The following PPP1R7 variants were observed in gnomAD, a reference collection of about 807,000 sequenced individuals.
PPP1R7 encodes the protein protein phosphatase 1 regulatory subunit 22.
PPP1R7 carries 18 observed loss-of-function variants against 45.2 expected under a neutral mutation model. The ratio of observed to expected loss-of-function variants is 0.40; its 90% CI spans 0.28 to 0.59. The LOEUF is 0.59. Among genes scored for constraint, PPP1R7 ranks in the 20% least tolerant of loss-of-function variants. The pLI is 0.46. For synonymous variants in PPP1R7, 181 were observed against 183.4 expected, an observed-to-expected ratio of 0.99 and a Z score of 0.11; for missense variants, 314 against 455.8, an observed-to-expected ratio of 0.69 and a Z score of 2.83.
chr2:241,164,219 C>T (rs1183819616), intron 7 of PPP1R7, among the ~76,000 whole-genome samples: 1 of 152,088 alleles, frequency 6.6e-6, no homozygotes, highest in Non-Finnish European at 1.5e-5. Context: ...GCTTTTTCCA[C>T]CCACCCACCT....
At chr2:241,164,733 T>TA (rs910282799) in intron 7 of PPP1R7, among the ~76,000 whole-genome samples, 1 of 152,030 alleles carries the variant, frequency 6.6e-6, no homozygotes, top group Non-Finnish European at 1.5e-5. Context: ...AGCCCATCTC[T>TA]AAAAAAATTA....
chr2:241,170,002 G>A (rs2067786601), intron 9 of PPP1R7, 135 bp downstream of exon 9: 2 of 704,616 alleles, frequency 2.8e-6, no homozygotes, highest in Non-Finnish European at 4.8e-6. Flanking sequence ...GAGATTTGGG[G>A]TGGGCGCTCT....
chr2:241,157,091 TCTCC>T (rs2067476810), intron 2 of PPP1R7, among the ~76,000 whole-genome samples: 1 of 152,162 alleles, frequency 6.6e-6, no homozygotes, highest in Non-Finnish European at 1.5e-5. Context: ...AGAGCAGCTC[TCTCC>T]CTCCTCCGCA....
chr2:241,180,158 C>T (rs936268988), intron 9 of PPP1R7, among the ~76,000 whole-genome samples: 4 of 152,112 alleles, frequency 2.6e-5, no homozygotes, highest in African/African-American at 9.7e-5. Context: ...GAGTCAACTG[C>T]CAGTGGTGTT....
At chr2:241,151,845 C>A (rs1249894219) in intron 1 of PPP1R7, among the ~76,000 whole-genome samples, 2 of 152,212 alleles carry the variant, frequency 1.3e-5, no homozygotes, top group Non-Finnish European at 2.9e-5. Context: ...TTAACTCAGA[C>A]CTTCATCATC....
upstream of PPP1R7, chr2:241,150,033 G>C (rs772233080): frequency 2.7e-4 from 377 of 1,383,674 alleles, no homozygotes; most frequent in Non-Finnish European, 3.4e-4. Context: ...GACGCAGCCA[G>C]CGAGGCTCGC....
At chr2:241,155,386 T>G (rs892797186) in intron 2 of PPP1R7, 1 of 152,216 alleles carries the variant, frequency 6.6e-6, no homozygotes, top group Admixed American at 6.5e-5. Flanking sequence ...CCAAGTTTTT[T>G]CTTCGAGATG....
At position 241,182,775 on chromosome 2, in the gene PPP1R7, C is replaced by T. The variant is rs143085733; in HGVS notation, c.1035C>T (p.Leu345=). 192 of 1,613,998 alleles carry T rather than the reference C, an allele frequency of 1.2e-4. No individual in the cohort carries two copies. The African/African-American group carries it at 1.3e-3, about 11-fold the overall frequency. Residue 345 remains leucine, a synonymous_variant, in exon 10 of 10, where the codon CTC becomes CTT. Transcript: ENST00000234038. ...KDPQYRRKVM[L]ALPSVRQIDA... Reference sequence around the variant, plus strand: ...CCCAGTACCGGCGGAAGGTCATGCTCGCCCTCCCCTCCGTGCGGCAGATCG... The same window carrying T: ...CCCAGTACCGGCGGAAGGTCATGCTTGCCCTCCCCTCCGTGCGGCAGATCG...
At chr2:241,181,724 A>G (rs997877359) in intron 9 of PPP1R7, among the ~76,000 whole-genome samples, 2 of 152,158 alleles carry the variant, frequency 1.3e-5, no homozygotes, top group African/African-American at 4.8e-5. Context: ...CTGTAAAAGG[A>G]GTCGAAGTCT....
intron 5 of PPP1R7, among the ~76,000 whole-genome samples, 191 bp from the exon 6 acceptor site, chr2:241,160,141 T>C (rs2067551559): frequency 6.6e-6 from 1 of 152,172 alleles, no homozygotes; most frequent in Admixed American, 6.5e-5. Context: ...CTGGGCAGCC[T>C]CCAAATCCCT....
rs2067909690 is a variant in PPP1R7, at chr2:241,176,467, T to C, written c.907-6180T>C. 2.6e-5 allele frequency among the ~76,000 whole-genome samples: 4 copies of C among 151,888 alleles called. No individual in the cohort carries two copies. In the South Asian group the frequency reaches 6.3e-4, roughly 24 times the overall value. On this transcript the variant is annotated intron_variant, in intron 9 of 9. Transcript: ENST00000234038. ...ATTAATTTTTTTTTCTTTCTTTTTT[T>C]TTTTTTTGAGATGGAGCTTTGCTCC... is the stretch of plus-strand genomic sequence containing the variant.
intron 9 of PPP1R7, among the ~76,000 whole-genome samples, chr2:241,175,961 A>G (rs4675990): frequency 0.12 from 18,340 of 152,166 alleles, 2,635 homozygotes; most frequent in East Asian, 0.47. Context: ...CATTTTTAGC[A>G]GAGACGGGGT....
chr2:241,176,165 G>C (rs942775316), intron 9 of PPP1R7, among the ~76,000 whole-genome samples: 1 of 152,058 alleles, frequency 6.6e-6, no homozygotes, highest in African/African-American at 2.4e-5. Flanking sequence ...CTCCTGCCTG[G>C]GCCTCCCAAA....
chr2:241,151,970 G>A (rs1420805778), intron 1 of PPP1R7, among the ~76,000 whole-genome samples: 3 of 152,140 alleles, frequency 2.0e-5, no homozygotes, highest in African/African-American at 7.2e-5. Context: ...GCTGCCCTCA[G>A]GCTTCACTTT....
chr2:241,154,140 A>T (rs973179482), intron 2 of PPP1R7, among the ~76,000 whole-genome samples: 1 of 136,920 alleles, frequency 7.3e-6, no homozygotes, highest in African/African-American at 2.8e-5. Context: ...AGAACACACC[A>T]CTGCACTCCA....
intron 9 of PPP1R7, among the ~76,000 whole-genome samples, chr2:241,172,504 G>A (rs567379278): frequency 6.6e-6 from 1 of 152,188 alleles, no homozygotes; most frequent in African/African-American, 2.4e-5. Flanking sequence ...ACTTAGCTGG[G>A]CATGGTGGCA....
chr2:241,153,464 G>A lies in PPP1R7; in HGVS notation c.53-12G>A, dbSNP rs769505992. ...AGTGGATGTGAATTCTCATTGACAT[G>A]TGTGGGTTCAGTTGACAGGCGGGTC... is the stretch of plus-strand genomic sequence containing the variant. On this transcript the variant is annotated splice_polypyrimidine_tract_variant and intron_variant, in intron 1 of 9. Transcript: ENST00000234038. 4 of 1,613,798 alleles carry A rather than the reference G, an allele frequency of 2.5e-6. No individual in the cohort carries two copies. In the South Asian group the frequency reaches 4.4e-5, roughly 18 times the overall value.
At chr2:241,150,383 C>T (rs530340658), upstream of PPP1R7, 3 of 1,192,802 alleles carry the variant, frequency 2.5e-6, no homozygotes, top group Middle Eastern at 3.6e-4. Context: ...AGGCGCGGCG[C>T]GGCTGAAGTC....
intron 9 of PPP1R7, among the ~76,000 whole-genome samples, chr2:241,173,793 T>A (rs1476978341): frequency 6.6e-6 from 1 of 152,244 alleles, no homozygotes; most frequent in African/African-American, 2.4e-5. Flanking sequence ...ATAATTTCTG[T>A]TGTTAAATCT....
Sources: gnomAD v4.1 joint callset for allele counts (sites outside exome capture counted in the v4.1 genomes callset) on GRCh38, gnomAD v4.1.1 for gene constraint, MANE v1.5 for transcripts, NCBI Gene and HGNC (gene_info 2026-07-23, HGNC 2026-07-21) for gene names.